LRMDA: variants seen among roughly 807,000 people sequenced by gnomAD.
The protein encoded by LRMDA is leucine rich melanocyte differentiation associated, also known as leucine-rich melanocyte differentiation-associated protein.
A neutral mutation model predicts 29.8 loss-of-function variants in LRMDA; 18 were observed. The observed-to-expected ratio is 0.60, with a 90% CI of 0.42 to 0.90. The LOEUF (loss-of-function observed/expected upper bound fraction) is 0.90, where lower values mean the gene tolerates loss of function less well. LRMDA is among the 40% of genes least tolerant of loss of function. The pLI, the probability that LRMDA is intolerant of heterozygous loss-of-function variation, is 0.00. For missense variants in LRMDA, 273 were observed against 273.9 expected, an observed-to-expected ratio of 1.00 and a Z score of 0.02; for synonymous variants, 125 against 109.4, an observed-to-expected ratio of 1.14 and a Z score of -0.89.
chr10:75,599,591 G>A (rs1167213164), intron 2 of LRMDA, among the ~76,000 whole-genome samples: 2 of 152,152 alleles, frequency 1.3e-5, no homozygotes, highest in Non-Finnish European at 2.9e-5. Flanking sequence ...GGTAGTAGAA[G>A]GTAAAAGGTT....
At chr10:75,489,424 C>T (rs1316683458) in intron 2 of LRMDA, among the ~76,000 whole-genome samples, 5 of 152,156 alleles carry the variant, frequency 3.3e-5, no homozygotes, top group Admixed American at 6.5e-5. Flanking sequence ...TTGCTAACAA[C>T]CTCCCACAGC....
intron 2 of LRMDA, among the ~76,000 whole-genome samples, chr10:75,916,035 T>C (rs998977836): frequency 4.6e-5 from 7 of 152,116 alleles, no homozygotes; most frequent in African/African-American, 1.7e-4. Flanking sequence ...TTGGTATTAA[T>C]TGTGTCCAGG....
chr10:75,821,311 A>G (rs1844153579), intron 2 of LRMDA, among the ~76,000 whole-genome samples: 2 of 152,250 alleles, frequency 1.3e-5, no homozygotes, highest in Admixed American at 1.3e-4. Context: ...AAAAGATAGT[A>G]TACTGTGATC....
intron 2 of LRMDA, among the ~76,000 whole-genome samples, chr10:75,817,256 C>T (rs939612162): frequency 2.4e-4 from 37 of 152,200 alleles, no homozygotes; most frequent in Admixed American, 4.6e-4. Flanking sequence ...GGACCCATGC[C>T]TAACAGTTAG....
intron 5 of LRMDA, among the ~76,000 whole-genome samples, chr10:76,121,380 G>A (rs1849785590): frequency 6.6e-6 from 1 of 152,212 alleles, no homozygotes; most frequent in African/African-American, 2.4e-5. Context: ...GCACCATTAT[G>A]AGAAGCTGAA....
intron 2 of LRMDA, among the ~76,000 whole-genome samples, chr10:75,479,198 T>C (rs1179703684): frequency 6.6e-6 from 1 of 152,118 alleles, no homozygotes; most frequent in African/African-American, 2.4e-5. Context: ...TAGGCTGCTC[T>C]GAGAACACCT....
chr10:75,572,207 C>T (rs979241708), intron 2 of LRMDA, among the ~76,000 whole-genome samples: 1 of 152,178 alleles, frequency 6.6e-6, no homozygotes, highest in African/African-American at 2.4e-5. Context: ...CTGCCTTGGC[C>T]TCCCAAAGTG....
At chr10:75,568,562 A>G (rs1840400442) in intron 2 of LRMDA, among the ~76,000 whole-genome samples, 1 of 152,222 alleles carries the variant, frequency 6.6e-6, no homozygotes, top group Admixed American at 6.5e-5. Context: ...TAGGAGTCAG[A>G]AGCCTTGGTT....
At chr10:76,345,060 C>CTTTTTTTTT (rs60233969) in intron 6 of LRMDA, among the ~76,000 whole-genome samples, 10 of 77,588 alleles carry the variant, frequency 1.3e-4, no homozygotes, top group East Asian at 4.2e-4. Context: ...AACACAAAAC[C>CTTTTTTTTT]TTTTTTTTTT....
At chr10:75,559,376 GTTGT>G (rs1211598034) in intron 2 of LRMDA, among the ~76,000 whole-genome samples, 5,635 of 151,316 alleles carry the variant, frequency 0.037, 320 homozygotes, top group African/African-American at 0.13. Flanking sequence ...TTTTGATGGG[GTTGT>G]TTGTTTTTTT....
intron 5 of LRMDA, among the ~76,000 whole-genome samples, chr10:76,080,889 A>T (rs1849038585): frequency 6.6e-6 from 1 of 152,138 alleles, no homozygotes; most frequent in African/African-American, 2.4e-5. Flanking sequence ...GGGCTTGCTT[A>T]TATTTTCAGT....
rs151217073 is a variant in LRMDA at position 76,227,433 on chromosome 10, A to C, written c.517-96968A>C. 6.7e-3 allele frequency among the ~76,000 whole-genome samples: 1,018 copies of C among 152,306 alleles called. 19 individuals are homozygous for C. The highest frequency in any genetic ancestry group is 0.023 in the African/African-American group (968 of 41,564). On this transcript the variant is annotated intron_variant, in intron 5 of 6. Transcript: ENST00000611255. ...TTCAATGTGATTGACAACTGGCTCC[A>C]TGAACGTGGGGCATTGTACCTACCA...
chr10:76,111,541 CAT>C (rs1466892378), intron 5 of LRMDA, among the ~76,000 whole-genome samples: 2 of 152,340 alleles, frequency 1.3e-5, no homozygotes, highest in East Asian at 3.9e-4. Context: ...GTTGTGCAAA[CAT>C]GTCAAAGTTT....
At chr10:75,957,126 C>T (rs189680156) in intron 2 of LRMDA, among the ~76,000 whole-genome samples, 1 of 152,258 alleles carries the variant, frequency 6.6e-6, no homozygotes, top group Admixed American at 6.5e-5. Context: ...CATGAATGAG[C>T]GAAGAAATGC....
intron 2 of LRMDA, among the ~76,000 whole-genome samples, chr10:76,028,425 C>T (rs571056694): frequency 3.4e-4 from 51 of 152,088 alleles, no homozygotes; most frequent in African/African-American, 9.6e-4. Flanking sequence ...TTAATTTTTT[C>T]GAGTAAATAT....
At chr10:76,301,173 C>T (rs1840475873) in intron 5 of LRMDA, among the ~76,000 whole-genome samples, 1 of 152,120 alleles carries the variant, frequency 6.6e-6, no homozygotes, top group Non-Finnish European at 1.5e-5. Context: ...TTGAGGTCTG[C>T]AGAAGACACA....
At chr10:76,455,862 G>C (rs891358506) in intron 6 of LRMDA, among the ~76,000 whole-genome samples, 3 of 152,092 alleles carry the variant, frequency 2.0e-5, no homozygotes, top group African/African-American at 7.2e-5. Context: ...TGTCCCAAGG[G>C]ATATATCCTG....
At chr10:76,554,868 G>A (rs1843535328) in intron 6 of LRMDA, among the ~76,000 whole-genome samples, 1 of 37,790 alleles carries the variant, frequency 2.6e-5, no homozygotes, top group African/African-American at 4.6e-5. Context: ...CTCATGGTGG[G>A]TGGTGTGTGT....
chr10:75,831,006 ATTG>A (rs1844332304), intron 2 of LRMDA, among the ~76,000 whole-genome samples: 1 of 152,010 alleles, frequency 6.6e-6, no homozygotes, highest in African/African-American at 2.4e-5. Flanking sequence ...GAAAGGGGCT[ATTG>A]GCCCCATGCA....
Sources: gnomAD v4.1 joint callset for allele counts (sites outside exome capture counted in the v4.1 genomes callset) on GRCh38, gnomAD v4.1.1 for gene constraint, MANE v1.5 for transcripts, NCBI Gene and HGNC (gene_info 2026-07-23, HGNC 2026-07-21) for gene names.